Variants in GLIS1 observed in about 807,000 individuals in gnomAD.
The protein encoded by GLIS1 is GLIS family zinc finger 1.
GLIS1 carries 24 observed loss-of-function variants against 63.8 expected under a neutral mutation model. The ratio of observed to expected loss-of-function variants is 0.38; its 90% CI spans 0.27 to 0.53. The LOEUF (loss-of-function observed/expected upper bound fraction) is 0.53, where lower values mean the gene tolerates loss of function less well. Ranked by LOEUF, GLIS1 falls within the 20% of genes least tolerant of loss-of-function variation. GLIS1 has a pLI of 0.85. For synonymous variants in GLIS1, 450 were observed against 482.5 expected (o/e 0.93, Z 0.88); for missense variants, 1,036 against 1,074.1 (o/e 0.96, Z 0.50).
intron 2 of GLIS1, among the ~76,000 whole-genome samples, chr1:53,652,956 G>C (rs1645924837): frequency 6.6e-6 from 1 of 152,216 alleles, no homozygotes; most frequent in Non-Finnish European, 1.5e-5. Context: ...CTCCTGCCCA[G>C]GGCGGCCAAG....
intron 2 of GLIS1, among the ~76,000 whole-genome samples, chr1:53,683,617 A>G (rs1570042983): frequency 6.6e-6 from 1 of 152,136 alleles, no homozygotes; most frequent in East Asian, 1.9e-4. Context: ...GTTAGCAGGT[A>G]CTAGCCTTAG....
At chr1:53,676,185 T>C (rs1646209833) in intron 2 of GLIS1, among the ~76,000 whole-genome samples, 1 of 152,068 alleles carries the variant, frequency 6.6e-6, no homozygotes, top group South Asian at 2.1e-4. Flanking sequence ...GATGCAACAA[T>C]TGGGGATACC....
chr1:53,527,059 G>A (rs1557432845), intron 5 of GLIS1, among the ~76,000 whole-genome samples: 1 of 152,224 alleles, frequency 6.6e-6, no homozygotes, highest in Non-Finnish European at 1.5e-5. Flanking sequence ...CCAGCCATCC[G>A]CCATCTCCCT....
chr1:53,696,501 T>C (rs1361508323), intron 2 of GLIS1, among the ~76,000 whole-genome samples: 1 of 152,220 alleles, frequency 6.6e-6, no homozygotes, highest in East Asian at 1.9e-4. Flanking sequence ...CCACTTGCCC[T>C]TTCTCCAAAG....
intron 2 of GLIS1, among the ~76,000 whole-genome samples, chr1:53,638,100 C>T (rs1297563154): frequency 6.6e-6 from 1 of 152,196 alleles, no homozygotes; most frequent in East Asian, 1.9e-4. Context: ...GGTCTGGAGC[C>T]ACACATGTGG....
intron 4 of GLIS1, among the ~76,000 whole-genome samples, chr1:53,563,040 G>T (rs1398585165): frequency 6.6e-6 from 1 of 152,232 alleles, no homozygotes; most frequent in Non-Finnish European, 1.5e-5. Context: ...CACATTGCTT[G>T]GGTTATAGGA....
chr1:53,678,178 C>G (rs1260724133), intron 2 of GLIS1, among the ~76,000 whole-genome samples: 1 of 152,130 alleles, frequency 6.6e-6, no homozygotes, highest in Non-Finnish European at 1.5e-5. Context: ...ATGTCCCCAA[C>G]AGATGTCCCC....
chr1:53,666,208 G>C (rs1318925627), intron 2 of GLIS1, among the ~76,000 whole-genome samples: 1 of 152,160 alleles, frequency 6.6e-6, no homozygotes, highest in East Asian at 1.9e-4. Context: ...TGTTAACTGA[G>C]CACCTGCTAT....
chr1:53,727,494 T>A (rs558661850), intron 2 of GLIS1, among the ~76,000 whole-genome samples: 2 of 152,368 alleles, frequency 1.3e-5, no homozygotes, highest in East Asian at 3.9e-4. Flanking sequence ...CACTCGTAGC[T>A]GCTCTTTAAG....
intron 4 of GLIS1, among the ~76,000 whole-genome samples, chr1:53,582,861 C>T (rs1645099408): frequency 6.6e-6 from 1 of 152,184 alleles, no homozygotes; most frequent in Non-Finnish European, 1.5e-5. Context: ...GCTGAGGCAC[C>T]TTCTGTTGTC....
chr1:53,614,503 G>A (rs1233487249), intron 2 of GLIS1, among the ~76,000 whole-genome samples: 1 of 152,174 alleles, frequency 6.6e-6, no homozygotes, highest in Non-Finnish European at 1.5e-5. Context: ...ACAGAGCAGG[G>A]TCTGGGGGCT....
chr1:53,514,212 G>A (rs1017506211), intron 8 of GLIS1, among the ~76,000 whole-genome samples: 5 of 152,228 alleles, frequency 3.3e-5, no homozygotes, highest in East Asian at 1.9e-4. Flanking sequence ...CCAGACCAGC[G>A]TCTGTGGAGT....
chr1:53,615,749 TA>T (rs1645475380), intron 2 of GLIS1, among the ~76,000 whole-genome samples: 2 of 31,848 alleles, frequency 6.3e-5, no homozygotes, highest in Admixed American at 1.1e-3. Flanking sequence ...TTATTTATTT[TA>T]TTTTTATTTT....
chr1:53,623,996 T>C (rs1024501202), intron 2 of GLIS1, among the ~76,000 whole-genome samples: 3 of 152,246 alleles, frequency 2.0e-5, no homozygotes, highest in African/African-American at 7.2e-5. Context: ...TTTAATGCCA[T>C]CTCAACCAAG....
intron 2 of GLIS1, among the ~76,000 whole-genome samples, chr1:53,682,224 C>T (rs926274144): frequency 3.9e-5 from 6 of 152,232 alleles, no homozygotes; most frequent in African/African-American, 1.4e-4. Context: ...ACTCCAGACC[C>T]GCTTGCAGCC....
chr1:53,580,325 T>A (rs1432847079), intron 4 of GLIS1, among the ~76,000 whole-genome samples: 1 of 151,992 alleles, frequency 6.6e-6, no homozygotes, highest in Non-Finnish European at 1.5e-5. Context: ...TCCCTACCTG[T>A]GAGGTTGGTA....
intron 2 of GLIS1, among the ~76,000 whole-genome samples, chr1:53,731,792 C>A (rs1052550958): frequency 8.2e-4 from 125 of 152,320 alleles, no homozygotes; most frequent in Non-Finnish European, 1.0e-4. Flanking sequence ...TTTCTGTGTT[C>A]ATCTTTAGCA....
intron 2 of GLIS1, among the ~76,000 whole-genome samples, chr1:53,683,692 C>T (rs1043035182): frequency 4.6e-5 from 7 of 152,108 alleles, no homozygotes; most frequent in Admixed American, 1.3e-4. Flanking sequence ...AAAGAATGAC[C>T]GAGGTGCCCG....
chr1:53,723,371 T>C (rs1646775751), intron 2 of GLIS1, among the ~76,000 whole-genome samples: 1 of 151,694 alleles, frequency 6.6e-6, no homozygotes, highest in Admixed American at 6.6e-5. Flanking sequence ...CCCGAGTAGC[T>C]GGGATCACAG....
Sources: gnomAD v4.1 joint callset for allele counts (sites outside exome capture counted in the v4.1 genomes callset) on GRCh38, gnomAD v4.1.1 for gene constraint, MANE v1.5 for transcripts, NCBI Gene and HGNC (gene_info 2026-07-23, HGNC 2026-07-21) for gene names.